The following FRMD6 variants were observed in gnomAD, a reference collection of about 807,000 sequenced individuals.
FRMD6 encodes FERM domain-containing protein 6.
In FRMD6, 37 loss-of-function variants were observed where a neutral mutation model predicts 73.2. The ratio of observed to expected loss-of-function variants is 0.51; its 90% CI spans 0.39 to 0.66. The LOEUF is 0.66. Among genes scored for constraint, FRMD6 ranks in the 30% least tolerant of loss-of-function variants. The pLI is 0.00. For synonymous variants in FRMD6, 273 were observed against 282.2 expected (o/e 0.97, Z 0.33); for missense variants, 714 against 780.5 (o/e 0.91, Z 1.02).
intron 12 of FRMD6, chr14:51,724,276 TAC>T (rs1897819195): frequency 6.6e-6 from 1 of 152,210 alleles, no homozygotes; most frequent in South Asian, 2.1e-4. Context: ...CTTTCATTCT[TAC>T]AGAGTTTGAT....
chr14:51,461,535 A>G, the FRMD6 span, among the ~76,000 whole-genome samples: 2 of 152,234 alleles, frequency 1.3e-5, no homozygotes, highest in African/African-American at 4.8e-5. Flanking sequence ...ACTATGAATA[A>G]TACCTGAATG....
intron 1 of FRMD6, among the ~76,000 whole-genome samples, chr14:51,490,119 C>A (rs1372053539): frequency 6.6e-6 from 1 of 152,014 alleles, no homozygotes; most frequent in East Asian, 1.9e-4. Flanking sequence ...TAACCAGATC[C>A]CAAGTGTTGT....
the FRMD6 span, among the ~76,000 whole-genome samples, chr14:51,429,489 C>T: frequency 6.6e-6 from 1 of 152,144 alleles, no homozygotes; most frequent in South Asian, 2.1e-4. Flanking sequence ...ATTTTCTTCT[C>T]TAATTCTGCA....
rs201760535 is a variant in FRMD6 at position 51,565,687 on chromosome 14, AC to A, written c.-209-4659del. Among the ~76,000 whole-genome samples the A allele has an allele frequency of 5.2e-3, 790 of 152,142 alleles. 9 individuals carry two copies. Among genetic ancestry groups the A allele is most frequent in the African/African-American group, 0.018 (743 of 41,508 alleles). On this transcript the variant is annotated intron_variant, in intron 1 of 14. Transcript: ENST00000356218. ...ATATGGGCTCTGAAGATCTAGCCCA[AC>A]CACCTCCATTAACTATGAAGGAAAT...
intron 1 of FRMD6, among the ~76,000 whole-genome samples, chr14:51,652,418 G>A (rs1892485446): frequency 6.6e-6 from 1 of 152,192 alleles, no homozygotes; most frequent in Non-Finnish European, 1.5e-5. Context: ...GGAGGTCCCC[G>A]GATCACAGGG....
chr14:51,697,371 T>G lies in FRMD6; in HGVS notation c.100-771T>G, dbSNP rs374335453. 9.2e-5 allele frequency among the ~76,000 whole-genome samples: 14 copies of G among 152,190 alleles called. No homozygotes were observed. The East Asian group carries it at 2.1e-3, about 23-fold the overall frequency. ...AAATCATGTCATTTGCAATAACGGA[T>G]GAACCTGGAGGATGTTAGGTTTAAT... On this transcript the variant is annotated intron_variant, in intron 2 of 13. Coordinates refer to ENST00000344768, the MANE Select transcript of FRMD6 (RefSeq NM_001267046.2).
chr14:51,419,491 G>C, the FRMD6 span, among the ~76,000 whole-genome samples: 1,403 of 152,254 alleles, frequency 9.2e-3, 22 homozygotes, highest in African/African-American at 0.032. Context: ...GATCTTACAG[G>C]TCACTAGGAA....
At chr14:51,532,122 A>G (rs985273826) in intron 1 of FRMD6, among the ~76,000 whole-genome samples, 1 of 152,178 alleles carries the variant, frequency 6.6e-6, no homozygotes, top group Non-Finnish European at 1.5e-5. Context: ...TAATCCCAGT[A>G]CTTTGGGAGG....
At chr14:51,420,788 T>C in the FRMD6 span, among the ~76,000 whole-genome samples, 49 of 151,844 alleles carry the variant, frequency 3.2e-4, no homozygotes, top group African/African-American at 1.1e-3. Context: ...ATTTTATTAT[T>C]GTTTTGAATG....
At chr14:51,511,313 GC>G (rs1884297746) in intron 1 of FRMD6, among the ~76,000 whole-genome samples, 1 of 152,204 alleles carries the variant, frequency 6.6e-6, no homozygotes, top group South Asian at 2.1e-4. Context: ...TATCATAGAG[GC>G]CAGTGGCCAT....
At chr14:51,430,576 A>C in the FRMD6 span, among the ~76,000 whole-genome samples, 1 of 151,980 alleles carries the variant, frequency 6.6e-6, no homozygotes, top group Non-Finnish European at 1.5e-5. Flanking sequence ...AGTCAAGGTC[A>C]AACTCTACAT....
chr14:51,413,171 T>A, the FRMD6 span, among the ~76,000 whole-genome samples: 16 of 151,960 alleles, frequency 1.1e-4, no homozygotes, highest in Non-Finnish European at 2.1e-4. Flanking sequence ...TTCTATTTTT[T>A]AATATACTTT....
At chr14:51,596,869 G>C (rs1309736901) in intron 2 of FRMD6, among the ~76,000 whole-genome samples, 1 of 152,220 alleles carries the variant, frequency 6.6e-6, no homozygotes, top group Non-Finnish European at 1.5e-5. Flanking sequence ...ATCCAAGGCA[G>C]ACAGCACCCC....
intron 1 of FRMD6, among the ~76,000 whole-genome samples, chr14:51,509,928 C>A (rs1884200657): frequency 6.6e-6 from 1 of 152,176 alleles, no homozygotes; most frequent in Admixed American, 6.5e-5. Context: ...CCTGCGCGTA[C>A]GTGTATATAC....
At chr14:51,410,598 G>A in the FRMD6 span, among the ~76,000 whole-genome samples, 1 of 152,066 alleles carries the variant, frequency 6.6e-6, no homozygotes, top group Admixed American at 6.5e-5. Flanking sequence ...ATTTAAAAAA[G>A]CAGCACATGT....
Position 51,711,565 on chromosome 14 carries a change from G to C in FRMD6, c.749G>C (p.Gly250Ala). Reference protein sequence around the residue: ...KREIEASLTLGLTMRGIQIFQ... With the variant: ...KREIEASLTLALTMRGIQIFQ... The stretch of plus-strand genomic sequence containing the variant: ...GAAATTGAAGCATCGCTGACTCTTG[G>C]ATTGACCATGAGGGGAATACAGATT... The change falls in exon 8 of 14, where the codon GGA (glycine) becomes GCA (alanine). Residue 250 changes from glycine to alanine, a missense_variant. Transcript: ENST00000344768. 1 of 1,607,890 alleles carries C rather than the reference G, an allele frequency of 6.2e-7. No individual in the cohort carries two copies. Among genetic ancestry groups the C allele is most frequent in the African/African-American group, 1.3e-5 (1 of 74,916 alleles).
the FRMD6 span, among the ~76,000 whole-genome samples, chr14:51,453,432 A>C: frequency 6.6e-6 from 1 of 152,096 alleles, no homozygotes; most frequent in Non-Finnish European, 1.5e-5. Context: ...AAATGAGGAG[A>C]TATTGATGGA....
At chr14:51,526,889 G>A (rs1217174990) in intron 1 of FRMD6, among the ~76,000 whole-genome samples, 1 of 152,220 alleles carries the variant, frequency 6.6e-6, no homozygotes, top group Non-Finnish European at 1.5e-5. Context: ...TGAATTTCCT[G>A]TGGGTTCTGC....
chr14:51,594,804 C>T (rs951070404), intron 2 of FRMD6, among the ~76,000 whole-genome samples: 1 of 152,204 alleles, frequency 6.6e-6, no homozygotes, highest in Non-Finnish European at 1.5e-5. Context: ...AGGGACCCAA[C>T]TCCCCACTGT....
Sources: allele counts gnomAD v4.1 joint callset (sites outside exome capture counted in the v4.1 genomes callset), GRCh38; gene constraint gnomAD v4.1.1; transcripts MANE v1.5; gene names NCBI Gene and HGNC (gene_info 2026-07-23, HGNC 2026-07-21).